GDAP1: variants seen among roughly 807,000 people sequenced by gnomAD.
GDAP1 encodes ganglioside-induced differentiation-associated protein 1.
A neutral mutation model predicts 40.1 loss-of-function variants in GDAP1; 34 were observed. That is an observed-to-expected ratio of 0.85 (90% CI 0.64 to 1.13). The LOEUF (loss-of-function observed/expected upper bound fraction) is 1.13, where lower values mean the gene tolerates loss of function less well. Ranked by LOEUF, GDAP1 falls within the 50% of genes most tolerant of loss-of-function variation. GDAP1 has a pLI of 0.00. For synonymous variants in GDAP1, 170 were observed against 157.4 expected, an observed-to-expected ratio of 1.08 and a Z score of -0.60; for missense variants, 374 against 433.7, an observed-to-expected ratio of 0.86 and a Z score of 1.22.
At chr8:74,422,301 C>T (rs1436410260) in intron 2 of GDAP1, among the ~76,000 whole-genome samples, 3 of 34,094 alleles carry the variant, frequency 8.8e-5, no homozygotes, top group Middle Eastern at 0.019. Context: ...TTCTTTCTTT[C>T]TTTCTTTCTT....
At chr8:74,350,808 C>A (rs750280003) in intron 1 of GDAP1, among the ~76,000 whole-genome samples, 1 of 152,176 alleles carries the variant, frequency 6.6e-6, no homozygotes, top group South Asian at 2.1e-4. Context: ...TCGCGAAATG[C>A]GACAAAAAAG....
In GDAP1 at chr8:74,417,779, A is replaced by G. The variant is rs1586828402; in HGVS notation, c.165+66458A>G. ...TCTCAAAAAAAAAAAAAAAAAAAAA[A>G]GGAAAAGAAAAAGAAAATCCCAAGA... is the stretch of plus-strand genomic sequence containing the variant. On this transcript the variant is annotated intron_variant, in intron 2 of 2. Transcript: ENST00000523640. 6.6e-5 allele frequency among the ~76,000 whole-genome samples: 5 copies of G among 75,808 alleles called. No individual in the cohort carries two copies. In the South Asian group the frequency reaches 1.3e-3, roughly 19 times the overall value. 49.7% of individuals were successfully genotyped at this position (75,808 alleles called of 152,430 possible).
rs138126807 is a variant in GDAP1 at position 74,366,175 on chromosome 8, C to T, written c.*1808C>T. On this transcript the variant is annotated 3_prime_UTR_variant, in exon 6 of 6. Transcript: ENST00000220822. ...CTTTCTAGAATGTGTTTATAATTTC[C>T]TTGTACAGTTTCTTTGGAAATACGT... 32 of 453,618 alleles carry T rather than the reference C, an allele frequency of 7.1e-5. No homozygotes were observed. Among genetic ancestry groups the T allele is most frequent in the African/African-American group, 6.2e-4 (31 of 50,020 alleles). 28.1% of individuals were successfully genotyped at this position (453,618 alleles called of 1,614,324 possible).
At chr8:74,458,984 GA>G (rs1806369325) in intron 2 of GDAP1, among the ~76,000 whole-genome samples, 1 of 152,114 alleles carries the variant, frequency 6.6e-6, no homozygotes, top group South Asian at 2.1e-4. Flanking sequence ...GACTATGGGA[GA>G]AAAAATTTTG....
At chr8:74,394,950 AG>A (rs1293058580) in intron 2 of GDAP1, among the ~76,000 whole-genome samples, 1 of 152,212 alleles carries the variant, frequency 6.6e-6, no homozygotes, top group African/African-American at 2.4e-5. Context: ...AATGCATGCC[AG>A]AGGCCCAGAA....
chr8:74,402,651 A>C (rs1294250604), intron 2 of GDAP1, among the ~76,000 whole-genome samples: 1 of 150,264 alleles, frequency 6.7e-6, no homozygotes, highest in South Asian at 2.1e-4. Context: ...TGTGTCGCTC[A>C]TGCTGGGAGC....
At chr8:74,394,044 C>T (rs984262108) in intron 2 of GDAP1, among the ~76,000 whole-genome samples, 5 of 151,954 alleles carry the variant, frequency 3.3e-5, no homozygotes, top group African/African-American at 7.3e-5. Context: ...AAGACATACC[C>T]GAGACTGGAC....
intron 2 of GDAP1, among the ~76,000 whole-genome samples, chr8:74,372,929 G>A (rs958891084): frequency 2.0e-5 from 3 of 152,106 alleles, no homozygotes; most frequent in African/African-American, 7.2e-5. Context: ...AATCCATCTT[G>A]AATTAATTTT....
intron 2 of GDAP1, among the ~76,000 whole-genome samples, chr8:74,488,318 C>T (rs899906728): frequency 3.3e-5 from 5 of 152,090 alleles, no homozygotes; most frequent in Admixed American, 3.3e-4. Flanking sequence ...CAAAATATCA[C>T]TGTTGGATTT....
chr8:74,399,103 G>A (rs1194532679), intron 2 of GDAP1, among the ~76,000 whole-genome samples: 4 of 152,000 alleles, frequency 2.6e-5, no homozygotes, highest in African/African-American at 9.7e-5. Context: ...TCTATTGATT[G>A]GAATAGTTTC....
intron 2 of GDAP1, among the ~76,000 whole-genome samples, chr8:74,438,173 G>A (rs1369718052): frequency 6.6e-6 from 1 of 152,142 alleles, no homozygotes; most frequent in Non-Finnish European, 1.5e-5. Context: ...GGGAGGCTGA[G>A]GCAGGAGAAT....
At chr8:74,470,706 A>C (rs181326797) in intron 2 of GDAP1, among the ~76,000 whole-genome samples, 5 of 152,348 alleles carry the variant, frequency 3.3e-5, no homozygotes, top group Non-Finnish European at 4.4e-5. Flanking sequence ...TAGTGCCGCA[A>C]TAAACATAGG....
At chr8:74,387,964 T>TA in intron 2 of GDAP1, among the ~76,000 whole-genome samples, 1 of 152,036 alleles carries the variant, frequency 6.6e-6, no homozygotes, top group Non-Finnish European at 1.5e-5. Context: ...TTAGTTTATT[T>TA]GCATAGTATA....
chr8:74,388,001 C>T (rs1810050610), intron 2 of GDAP1, among the ~76,000 whole-genome samples: 1 of 152,114 alleles, frequency 6.6e-6, no homozygotes, highest in African/African-American at 2.4e-5. Flanking sequence ...GTTTGTATTT[C>T]TGTGGGATCA....
chr8:74,360,996 A>G (rs1007685146), intron 3 of GDAP1, among the ~76,000 whole-genome samples: 19 of 152,100 alleles, frequency 1.2e-4, no homozygotes, highest in East Asian at 7.7e-4. Flanking sequence ...TGTGATACTC[A>G]CCTTTATTAT....
intron 2 of GDAP1, among the ~76,000 whole-genome samples, chr8:74,387,471 G>A (rs935195518): frequency 7.2e-5 from 11 of 152,168 alleles, no homozygotes; most frequent in Non-Finnish European, 1.3e-4. Context: ...CTGTTTATGT[G>A]ATGGATCATG....
chr8:74,438,734 G>A lies in GDAP1; in HGVS notation c.166-49944G>A, dbSNP rs570258772. On this transcript the variant is annotated intron_variant, in intron 2 of 2. Coordinates refer to the GDAP1 transcript ENST00000523640. ...TTCCACCTCAGCCTCCCAAGTGGCT[G>A]AGACTACAGGTGCATACCATCACAC... Among the ~76,000 whole-genome samples the A allele has an allele frequency of 2.8e-4, 43 of 152,198 alleles. No homozygotes were observed. In the East Asian group the frequency reaches 5.0e-3, roughly 18 times the overall value.
rs115569496 is a variant in GDAP1 at position 74,413,168 on chromosome 8, C to T, written c.165+61847C>T. Among the ~76,000 whole-genome samples the T allele has an allele frequency of 6.1e-3, 881 of 144,242 alleles. 83 individuals are homozygous for T. The highest frequency in any genetic ancestry group is 0.022 in the African/African-American group (820 of 37,456). 94.6% of individuals were successfully genotyped at this position (144,242 alleles called of 152,430 possible). A position where few individuals can be genotyped will look rare whatever the true frequency, so the allele number is the denominator to read the frequency against. On this transcript the variant is annotated intron_variant, in intron 2 of 2. Transcript: ENST00000523640. ...ATGCTAAAAGTAATGGAGAGGGGTT[C>T]TGTTTCAGGATAAGATGAAGTAAGC...
At chr8:74,466,275 T>C (rs1806468709) in intron 2 of GDAP1, among the ~76,000 whole-genome samples, 1 of 152,226 alleles carries the variant, frequency 6.6e-6, no homozygotes, top group African/African-American at 2.4e-5. Context: ...GGGAGTTCAC[T>C]GCAGGGCCCC....
Sources: allele counts gnomAD v4.1 joint callset (sites outside exome capture counted in the v4.1 genomes callset), GRCh38; gene constraint gnomAD v4.1.1; transcripts MANE v1.5; gene names NCBI Gene and HGNC (gene_info 2026-07-23, HGNC 2026-07-21).